CSMD3: variants seen among roughly 807,000 people sequenced by gnomAD.
CSMD3 encodes the protein CUB and sushi domain-containing protein 3.
Under a neutral mutation model 435.2 loss-of-function variants are expected in CSMD3, and 177 were observed. The ratio of observed to expected loss-of-function variants is 0.41; its 90% confidence interval spans 0.36 to 0.46. CSMD3 has a LOEUF of 0.46. Ranked by LOEUF, CSMD3 falls within the 20% of genes least tolerant of loss-of-function variation. CSMD3 has a pLI of 0.34. For missense variants in CSMD3, 4,265 were observed against 4,504.6 expected, an observed-to-expected ratio of 0.95 and a Z score of 1.52; for synonymous variants, 1,656 against 1,520.5, an observed-to-expected ratio of 1.09 and a Z score of -2.07.
intron 4 of CSMD3, among the ~76,000 whole-genome samples, chr8:113,129,674 T>C (rs1039389894): frequency 2.0e-5 from 3 of 152,166 alleles, no homozygotes; most frequent in African/African-American, 2.4e-5. Context: ...GTGAGAATCA[T>C]GGAGAGAGCC....
intron 1 of CSMD3, among the ~76,000 whole-genome samples, chr8:113,360,976 T>TA (rs1257246925): frequency 6.6e-6 from 1 of 152,038 alleles, no homozygotes; most frequent in Non-Finnish European, 1.5e-5. Context: ...TCACTGAAAA[T>TA]AAACAATTTT....
At chr8:113,061,956 T>G (rs1452812104) in intron 5 of CSMD3, among the ~76,000 whole-genome samples, 4 of 151,836 alleles carry the variant, frequency 2.6e-5, no homozygotes, top group African/African-American at 9.7e-5. Flanking sequence ...ATACATAGTT[T>G]CTTATCATTC....
intron 6 of CSMD3, among the ~76,000 whole-genome samples, chr8:112,982,284 T>C (rs2085081413): frequency 6.6e-6 from 1 of 151,878 alleles, no homozygotes; most frequent in Admixed American, 6.6e-5. Flanking sequence ...TAACTAAGTA[T>C]AATAGTCTTA....
At chr8:112,635,067 T>C (rs150984702) in intron 22 of CSMD3, among the ~76,000 whole-genome samples, 126 of 152,218 alleles carry the variant, frequency 8.3e-4, no homozygotes, top group Middle Eastern at 3.4e-3. Flanking sequence ...CAGGTCCTTA[T>C]AATGTTAGCG....
intron 27 of CSMD3, among the ~76,000 whole-genome samples, chr8:112,526,035 C>T (rs1326859245): frequency 6.7e-6 from 1 of 149,972 alleles, no homozygotes; most frequent in African/African-American, 2.4e-5. Context: ...AGAAATCACA[C>T]TTAAGTGTCT....
At chr8:113,401,006 C>T (rs568418793) in intron 1 of CSMD3, among the ~76,000 whole-genome samples, 139 of 151,710 alleles carry the variant, frequency 9.2e-4, no homozygotes, top group African/African-American at 3.3e-3. Flanking sequence ...AGTGTAGGCT[C>T]TATGTAACAC....
chr8:113,387,530 A>G (rs2094444450), intron 1 of CSMD3, among the ~76,000 whole-genome samples: 1 of 151,818 alleles, frequency 6.6e-6, no homozygotes, highest in African/African-American at 2.4e-5. Context: ...AAGAACAGAA[A>G]CAAGGGGACT....
chr8:112,864,931 C>T (rs2080934134), intron 10 of CSMD3, among the ~76,000 whole-genome samples: 1 of 152,046 alleles, frequency 6.6e-6, no homozygotes, highest in Non-Finnish European at 1.5e-5. Context: ...TCACATGCCA[C>T]CTGTGTTTTT....
Position 113,089,642 on chromosome 8 carries a change from C to T in CSMD3, c.917+9114G>A, listed in dbSNP as rs897798811. Among the ~76,000 whole-genome samples, 5 of 152,144 alleles carry T rather than the reference C, an allele frequency of 3.3e-5. No individual in the cohort carries two copies. The South Asian group carries it at 8.3e-4, about 25-fold the overall frequency. ...AGAAGATGCTGAATCTCATTAAAATCATCTGGTTTTATGGACTATAGTGCA... is the reference window on the plus strand; with the variant it reads ...AGAAGATGCTGAATCTCATTAAAATTATCTGGTTTTATGGACTATAGTGCA... On this transcript the variant is annotated intron_variant, in intron 5 of 70. Transcript: ENST00000297405.
chr8:113,188,590 T>C (rs770563024), intron 3 of CSMD3, among the ~76,000 whole-genome samples: 2 of 151,956 alleles, frequency 1.3e-5, no homozygotes, highest in Non-Finnish European at 2.9e-5. Flanking sequence ...TCTAGAGTAA[T>C]GCTCAACCTT....
At chr8:113,037,301 A>ATTTC (rs2087395544) in intron 5 of CSMD3, among the ~76,000 whole-genome samples, 1 of 152,096 alleles carries the variant, frequency 6.6e-6, no homozygotes, top group Admixed American at 6.6e-5. Flanking sequence ...AAAAGCTTGA[A>ATTTC]ATCACTAATA....
chr8:113,206,253 A>G (rs2092769778), intron 3 of CSMD3, among the ~76,000 whole-genome samples: 1 of 152,112 alleles, frequency 6.6e-6, no homozygotes, highest in Non-Finnish European at 1.5e-5. Context: ...ACACAAATAT[A>G]TATGTATGTG....
At chr8:112,309,716 C>A (rs1172298565) in intron 50 of CSMD3, among the ~76,000 whole-genome samples, 2 of 152,016 alleles carry the variant, frequency 1.3e-5, no homozygotes, top group Non-Finnish European at 2.9e-5. Context: ...ATCAATACAA[C>A]AAGAAACAAT....
intron 3 of CSMD3, among the ~76,000 whole-genome samples, chr8:113,265,408 G>A (rs746787271): frequency 6.6e-5 from 10 of 151,662 alleles, no homozygotes; most frequent in Middle Eastern, 6.8e-3. Flanking sequence ...TTTATAAATT[G>A]AAGTAAACCC....
chr8:112,921,820 C>CT, intron 9 of CSMD3, 69 bp from the exon 10 acceptor site: 1 of 1,251,764 alleles, frequency 8.0e-7, no homozygotes, highest in Non-Finnish European at 1.2e-6. Flanking sequence ...TTCACTTCTG[C>CT]TGGCAATATC....
chr8:112,852,985 C>G, intron 11 of CSMD3, among the ~76,000 whole-genome samples: 1 of 151,988 alleles, frequency 6.6e-6, no homozygotes, highest in East Asian at 1.9e-4. Flanking sequence ...AATACAAATA[C>G]ATTTTGGAAT....
chr8:112,347,227 T>C (rs186257259), intron 40 of CSMD3, among the ~76,000 whole-genome samples: 1 of 152,304 alleles, frequency 6.6e-6, no homozygotes, highest in East Asian at 1.9e-4. Flanking sequence ...TTTTTAAATA[T>C]AATTAGATAG....
intron 1 of CSMD3, among the ~76,000 whole-genome samples, chr8:113,420,303 A>T (rs1363613631): frequency 6.6e-6 from 1 of 152,124 alleles, no homozygotes; most frequent in Admixed American, 6.5e-5. Context: ...TGCACTTACT[A>T]AATGAAGGAG....
intron 13 of CSMD3, among the ~76,000 whole-genome samples, chr8:112,747,692 G>C (rs1365636257): frequency 6.6e-6 from 1 of 152,020 alleles, no homozygotes; most frequent in East Asian, 1.9e-4. Flanking sequence ...ATAAAAACAG[G>C]CGGCCGGGCG....
Sources: gnomAD v4.1 joint callset for allele counts (sites outside exome capture counted in the v4.1 genomes callset) on GRCh38, gnomAD v4.1.1 for gene constraint, MANE v1.5 for transcripts, NCBI Gene and HGNC (gene_info 2026-07-23, HGNC 2026-07-21) for gene names.